The following EPHA6 variants were observed in gnomAD, a reference collection of about 807,000 sequenced individuals.
EPHA6 encodes the protein ephrin type-A receptor 6.
EPHA6 carries 50 observed loss-of-function variants against 112.0 expected under a neutral mutation model. That is an observed-to-expected ratio of 0.45 (90% CI 0.36 to 0.56). The LOEUF (loss-of-function observed/expected upper bound fraction) is 0.56, where lower values mean the gene tolerates loss of function less well. Among genes scored for constraint, EPHA6 ranks in the 20% least tolerant of loss-of-function variants. EPHA6 has a pLI of 0.00. For synonymous variants in EPHA6, 529 were observed against 490.7 expected (o/e 1.08, Z -1.03); for missense variants, 1,280 against 1,417.4 (o/e 0.90, Z 1.56).
intron 3 of EPHA6, among the ~76,000 whole-genome samples, chr3:97,185,910 T>C (rs374286783): frequency 6.6e-6 from 1 of 152,004 alleles, no homozygotes; most frequent in South Asian, 2.1e-4. Context: ...ATGTCCTTTG[T>C]AGGGACATGG....
At chr3:96,915,705 T>A (rs2039450224) in intron 2 of EPHA6, among the ~76,000 whole-genome samples, 2 of 152,072 alleles carry the variant, frequency 1.3e-5, no homozygotes, top group African/African-American at 4.8e-5. Context: ...TCACAAGAGG[T>A]TGATAATCAT....
intron 14 of EPHA6, among the ~76,000 whole-genome samples, chr3:97,717,867 T>C (rs774895489): frequency 3.2e-4 from 48 of 152,350 alleles, no homozygotes; most frequent in Middle Eastern, 3.4e-3. Context: ...TATAAATTTA[T>C]ATGTGAATAA....
intron 6 of EPHA6, among the ~76,000 whole-genome samples, chr3:97,426,081 A>G (rs2089096365): frequency 6.6e-6 from 1 of 151,870 alleles, no homozygotes; most frequent in Non-Finnish European, 1.5e-5. Context: ...AAACTTTCCA[A>G]CCTCTGCCTG....
chr3:97,749,097 A>T lies in EPHA6; in HGVS notation c.*396A>T, dbSNP rs963629726. 1.3e-5 allele frequency: 3 copies of T among 239,388 alleles called. No individual in the cohort carries two copies. Among genetic ancestry groups the T allele is most frequent in the Non-Finnish European group, 2.5e-5 (3 of 121,384 alleles). The allele number at this position is 239,388 out of a possible 1,614,324, so 14.8% of individuals were successfully genotyped here. On this transcript the variant is annotated 3_prime_UTR_variant, in exon 18 of 18. Coordinates refer to ENST00000389672, the MANE Select transcript of EPHA6 (RefSeq NM_001080448.3). The stretch of plus-strand genomic sequence containing the variant: ...GAAAGAACTAGTTGACCTTTCTTTC[A>T]TGTTTTGTGATCAAGTAGCTTCCAA...
intron 14 of EPHA6, among the ~76,000 whole-genome samples, chr3:97,718,168 C>T (rs1353909286): frequency 6.6e-6 from 1 of 152,210 alleles, no homozygotes; most frequent in Non-Finnish European, 1.5e-5. Flanking sequence ...AAACCTGAAT[C>T]TTACTTAAAT....
intron 2 of EPHA6, among the ~76,000 whole-genome samples, chr3:96,985,059 GC>G (rs1324686969): frequency 1.1e-4 from 17 of 152,086 alleles, no homozygotes; most frequent in Non-Finnish European, 2.5e-4. Flanking sequence ...CCACTGTCCT[GC>G]CCCCACTGTC....
chr3:97,419,095 G>A (rs2088380330), intron 6 of EPHA6, among the ~76,000 whole-genome samples: 1 of 151,266 alleles, frequency 6.6e-6, no homozygotes, highest in Non-Finnish European at 1.5e-5. Flanking sequence ...ACCTGAGTTC[G>A]GGAGTTTAAC....
At chr3:96,919,854 A>G (rs1451747369) in intron 2 of EPHA6, among the ~76,000 whole-genome samples, 2 of 151,912 alleles carry the variant, frequency 1.3e-5, no homozygotes, top group Non-Finnish European at 1.5e-5. Context: ...AAAGGAGTGC[A>G]TAAAAGTCAT....
At chr3:96,892,298 G>A (rs146062690) in intron 2 of EPHA6, among the ~76,000 whole-genome samples, 10,508 of 151,908 alleles carry the variant, frequency 0.069, 716 homozygotes, top group Admixed American at 0.21. Context: ...TCGGCTCACT[G>A]CAACCTCTGC....
intron 10 of EPHA6, among the ~76,000 whole-genome samples, chr3:97,507,444 T>C (rs11915962): frequency 0.11 from 16,982 of 152,100 alleles, 3,008 homozygotes; most frequent in African/African-American, 0.37. Flanking sequence ...GTCATTGGTT[T>C]TGTTTATGTG....
chr3:96,987,870 G>A lies in EPHA6; in HGVS notation c.991G>A (p.Val331Met), dbSNP rs768880991. Reference protein sequence around the residue: ...SSLVEVRGSCVKSAEERDTPK... With the variant: ...SSLVEVRGSCMKSAEERDTPK... ...TTTGGTTGAAGTACGGGGTTCTTGT[G>A]TGAAGAGTGCTGAAGAGCGTGACAC... Residue 331 changes from valine (V) to methionine (M), a missense_variant, in exon 3 of 18, where the codon GTG (valine) becomes ATG (methionine). Transcript: ENST00000389672. The A allele has an allele frequency of 6.2e-7, 1 of 1,613,876 alleles. No homozygotes were observed. Among genetic ancestry groups the A allele is most frequent in the East Asian group, 2.2e-5 (1 of 44,864 alleles).
chr3:97,273,361 G>A (rs1010180982), intron 5 of EPHA6, among the ~76,000 whole-genome samples: 26 of 152,168 alleles, frequency 1.7e-4, no homozygotes, highest in African/African-American at 6.0e-4. Context: ...CAAGAGCAGG[G>A]CATTTATGAG....
At chr3:97,214,632 TAA>T (rs893020809) in intron 3 of EPHA6, among the ~76,000 whole-genome samples, 2 of 151,670 alleles carry the variant, frequency 1.3e-5, no homozygotes, top group African/African-American at 2.4e-5. Flanking sequence ...AGCAATCACA[TAA>T]AGTTTCTCAA....
intron 3 of EPHA6, among the ~76,000 whole-genome samples, chr3:97,197,735 G>A (rs576169517): frequency 9.2e-5 from 14 of 152,012 alleles, no homozygotes; most frequent in African/African-American, 2.4e-4. Flanking sequence ...CCAGTACAGC[G>A]CCAAGACTTG....
intron 5 of EPHA6, among the ~76,000 whole-genome samples, chr3:97,321,403 G>A (rs1402833434): frequency 6.6e-6 from 1 of 151,802 alleles, no homozygotes; most frequent in East Asian, 1.9e-4. Flanking sequence ...CTGCTAGTCG[G>A]GAAGGTGATG....
intron 5 of EPHA6, among the ~76,000 whole-genome samples, chr3:97,289,946 C>T (rs2080618887): frequency 6.6e-6 from 1 of 152,036 alleles, no homozygotes; most frequent in South Asian, 2.1e-4. Context: ...ATTTTTGGAT[C>T]TCAATTTTGT....
intron 5 of EPHA6, among the ~76,000 whole-genome samples, chr3:97,339,590 T>C (rs143233245): frequency 3.0e-4 from 45 of 152,296 alleles, no homozygotes; most frequent in African/African-American, 9.9e-4. Context: ...CCAGGCAAGT[T>C]ACCTTGTGTC....
At chr3:97,051,076 C>G (rs1256631584) in intron 3 of EPHA6, among the ~76,000 whole-genome samples, 1 of 152,116 alleles carries the variant, frequency 6.6e-6, no homozygotes, top group Non-Finnish European at 1.5e-5. Context: ...ATATTTTAGA[C>G]AGGCTTGTCA....
intron 10 of EPHA6, among the ~76,000 whole-genome samples, chr3:97,517,469 A>AT (rs1286618422): frequency 6.6e-6 from 1 of 151,924 alleles, no homozygotes; most frequent in Non-Finnish European, 1.5e-5. Flanking sequence ...CATAAATGTT[A>AT]TTTTTAATTA....
Sources: allele counts gnomAD v4.1 joint callset (sites outside exome capture counted in the v4.1 genomes callset), GRCh38; gene constraint gnomAD v4.1.1; transcripts MANE v1.5; gene names NCBI Gene and HGNC (gene_info 2026-07-23, HGNC 2026-07-21).